SLC60A1: variants seen among roughly 807,000 people sequenced by gnomAD.
The protein encoded by SLC60A1 is major facilitator superfamily domain containing 4.
chr1:205,597,958 T>A, the SLC60A1 span: 2 of 1,203,520 alleles, frequency 1.7e-6, no homozygotes, highest in South Asian at 2.5e-5. Context: ...CTTTCCTGAG[T>A]CTCCAGCAAA....
chr1:205,595,051 C>T, the SLC60A1 span: 1 of 152,252 alleles, frequency 6.6e-6, no homozygotes, highest in Non-Finnish European at 1.5e-5. Flanking sequence ...GTGCTTACTT[C>T]AGCAGCACAT....
At chr1:205,569,409 G>C in the SLC60A1 span, 28 of 716,272 alleles carry the variant, frequency 3.9e-5, 1 homozygote, top group South Asian at 1.8e-3. Context: ...GCCCCGTGGG[G>C]CTGCCCGTCG....
the SLC60A1 span, chr1:205,586,262 C>T: frequency 6.3e-7 from 1 of 1,590,166 alleles, no homozygotes; most frequent in Non-Finnish European, 8.6e-7. Context: ...GAAGCCGCCT[C>T]CTCCTGGCCC....
chr1:205,580,037 C>G, the SLC60A1 span: 1 of 1,385,816 alleles, frequency 7.2e-7, no homozygotes, highest in Non-Finnish European at 9.7e-7. This position sits in a 1 kb window ranked among gnomAD's most constrained non-coding sequence, Gnocchi z 5.0. Flanking sequence ...GCCTCCTCCC[C>G]CAGGGGCCCA....
At chr1:205,572,730 C>T in the SLC60A1 span, among the ~76,000 whole-genome samples, 2 of 152,196 alleles carry the variant, frequency 1.3e-5, no homozygotes, top group Non-Finnish European at 2.9e-5. Flanking sequence ...CAGCATGCAA[C>T]AAACCTGTGC....
At chr1:205,586,036 T>C in the SLC60A1 span, 1 of 1,596,168 alleles carries the variant, frequency 6.3e-7, no homozygotes, top group Non-Finnish European at 8.5e-7. Flanking sequence ...CTCCACAGGG[T>C]GCCTATTCCG....
the SLC60A1 span, among the ~76,000 whole-genome samples, chr1:205,578,371 T>A: frequency 6.6e-6 from 1 of 152,166 alleles, no homozygotes; most frequent in South Asian, 2.1e-4. Context: ...ACGGTGTGTG[T>A]TAGCATTGCC....
the SLC60A1 span, among the ~76,000 whole-genome samples, chr1:205,595,442 G>T: frequency 6.6e-5 from 10 of 152,174 alleles, no homozygotes; most frequent in Non-Finnish European, 1.5e-5. Flanking sequence ...CTGGAAAGGT[G>T]TGCCTCCCCT....
At chr1:205,590,700 G>A in the SLC60A1 span, among the ~76,000 whole-genome samples, 1 of 152,188 alleles carries the variant, frequency 6.6e-6, no homozygotes, top group African/African-American at 2.4e-5. Flanking sequence ...TTGGGAGCTG[G>A]ATGAGATTTC....
the SLC60A1 span, chr1:205,599,252 G>T: frequency 6.2e-7 from 1 of 1,613,746 alleles, no homozygotes; most frequent in Non-Finnish European, 8.5e-7. Context: ...CTCCCATCAG[G>T]TAAGGAAAGT....
chr1:205,572,710 G>T, the SLC60A1 span, among the ~76,000 whole-genome samples: 1 of 152,238 alleles, frequency 6.6e-6, no homozygotes, highest in Middle Eastern at 3.4e-3. Context: ...CCAGCACCTT[G>T]TCTACCAGTC....
At chr1:205,572,627 C>A in the SLC60A1 span, among the ~76,000 whole-genome samples, 1 of 152,128 alleles carries the variant, frequency 6.6e-6, no homozygotes, top group Non-Finnish European at 1.5e-5. Flanking sequence ...CCCTGGAACA[C>A]AGGACAAACC....
chr1:205,580,559 A>G, the SLC60A1 span: 1 of 1,419,956 alleles, frequency 7.0e-7, no homozygotes, highest in Non-Finnish European at 9.6e-7. The surrounding 1 kb of genome is among the most constrained non-coding windows in gnomAD (Gnocchi z 5.0). Flanking sequence ...GGGCTGGGGG[A>G]GGGGGCTCAG....
At chr1:205,570,546 A>AC in the SLC60A1 span, among the ~76,000 whole-genome samples, 1 of 152,136 alleles carries the variant, frequency 6.6e-6, no homozygotes, top group African/African-American at 2.4e-5. Flanking sequence ...GTACAGATGG[A>AC]CCCCACTTTA....
At chr1:205,586,218 G>A in the SLC60A1 span, 1 of 1,612,626 alleles carries the variant, frequency 6.2e-7, no homozygotes, top group African/African-American at 1.3e-5. Context: ...GTAAGCAGCT[G>A]AATAGCCTCC....
chr1:205,597,385 T>TGG, the SLC60A1 span, among the ~76,000 whole-genome samples: 2,230 of 145,152 alleles, frequency 0.015, 52 homozygotes, highest in South Asian at 0.034. Flanking sequence ...TTTTTTTTTT[T>TGG]TTTTTTTTTT....
chr1:205,576,569 G>A, the SLC60A1 span, among the ~76,000 whole-genome samples: 1 of 152,156 alleles, frequency 6.6e-6, no homozygotes, highest in Non-Finnish European at 1.5e-5. Flanking sequence ...ACTCCATCCT[G>A]GATGCCAAAA....
the SLC60A1 span, chr1:205,600,589 T>C: frequency 2.3e-6 from 2 of 863,212 alleles, no homozygotes; most frequent in Non-Finnish European, 1.8e-6. Context: ...CCACTAAAAC[T>C]TGGTTGGGTA....
At chr1:205,582,821 CAG>C in the SLC60A1 span, among the ~76,000 whole-genome samples, 1 of 152,244 alleles carries the variant, frequency 6.6e-6, no homozygotes, top group Non-Finnish European at 1.5e-5. Context: ...GGTGCCAACA[CAG>C]GGGTGGTTTT....
Sources: gnomAD v4.1 joint callset for allele counts (sites outside exome capture counted in the v4.1 genomes callset) on GRCh38, gnomAD v4.1.1 for gene constraint, Gnocchi (gnomAD v3.1) non-coding constraint, MANE v1.5 for transcripts, NCBI Gene and HGNC (gene_info 2026-07-23, HGNC 2026-07-21) for gene names.